The following FHIT variants were observed in gnomAD, a reference collection of about 807,000 sequenced individuals.
The protein encoded by FHIT is bis(5'-adenosyl)-triphosphatase.
In FHIT, 19 loss-of-function variants were observed where a neutral mutation model predicts 17.9. The ratio of observed to expected loss-of-function variants is 1.06; its 90% CI spans 0.74 to 1.56. FHIT has a LOEUF of 1.56. Among genes scored for constraint, FHIT ranks in the 40% most tolerant of loss-of-function variants. The pLI is 0.00. For missense variants in FHIT, 248 were observed against 189.2 expected (o/e 1.31, Z -1.82); for synonymous variants, 81 against 69.7 (o/e 1.16, Z -0.81).
intron 2 of FHIT, among the ~76,000 whole-genome samples, chr3:61,127,260 T>A (rs2036634573): frequency 6.6e-6 from 1 of 152,136 alleles, no homozygotes; most frequent in Non-Finnish European, 1.5e-5. Flanking sequence ...GTGGAGGTGA[T>A]GAGGCATGGT....
chr3:61,055,001 G>A (rs989563824), intron 2 of FHIT, among the ~76,000 whole-genome samples: 1 of 152,170 alleles, frequency 6.6e-6, no homozygotes, highest in Non-Finnish European at 1.5e-5. Context: ...AACCTTCCCT[G>A]CTTTGGAACA....
At chr3:60,049,910 A>C (rs74500541) in intron 5 of FHIT, among the ~76,000 whole-genome samples, 9,024 of 152,176 alleles carry the variant, frequency 0.059, 279 homozygotes, top group South Asian at 0.091. Flanking sequence ...ACCATATCAA[A>C]CAACCCTCCA....
At chr3:60,394,184 A>C (rs574526046) in intron 5 of FHIT, among the ~76,000 whole-genome samples, 1 of 152,108 alleles carries the variant, frequency 6.6e-6, no homozygotes, top group Non-Finnish European at 1.5e-5. Flanking sequence ...ATAGCAGGTG[A>C]AAAACTTCAG....
intron 5 of FHIT, among the ~76,000 whole-genome samples, chr3:60,196,423 G>A (rs1225677761): frequency 6.6e-6 from 1 of 152,022 alleles, no homozygotes; most frequent in African/African-American, 2.4e-5. Flanking sequence ...TGACTCGCTT[G>A]CCTCCCTCTT....
Position 60,148,959 on chromosome 3 carries a change from A to G in FHIT, c.104-134807T>C, listed in dbSNP as rs999032419. The stretch of plus-strand genomic sequence containing the variant: ...ATTAGCTGCTGCTCTTTGACCTTGA[A>G]CAGTAATCCTTTGAGCATGCCTCCT... On this transcript the variant is annotated intron_variant, in intron 5 of 9. Transcript: ENST00000492590. Among the ~76,000 whole-genome samples the G allele has an allele frequency of 3.9e-5, 6 of 152,294 alleles. No individual in the cohort carries two copies. The South Asian group carries it at 1.0e-3, about 26-fold the overall frequency.
chr3:59,817,353 T>C (rs1217864600), intron 8 of FHIT, among the ~76,000 whole-genome samples: 1 of 152,032 alleles, frequency 6.6e-6, no homozygotes, highest in East Asian at 1.9e-4. Flanking sequence ...AAGAGCCATC[T>C]GGGATGTAAG....
intron 5 of FHIT, among the ~76,000 whole-genome samples, chr3:60,097,993 G>T (rs376396089): frequency 6.6e-6 from 1 of 151,178 alleles, no homozygotes; most frequent in African/African-American, 2.4e-5. Context: ...GCCATAGTTT[G>T]CTGAGAATGA....
chr3:60,280,124 T>C (rs183454620), intron 5 of FHIT, among the ~76,000 whole-genome samples: 3 of 142,044 alleles, frequency 2.1e-5, no homozygotes, highest in African/African-American at 7.9e-5. Flanking sequence ...AGAAGAAAAA[T>C]CATATAATAG....
At chr3:60,877,250 T>A (rs1704708576) in intron 3 of FHIT, among the ~76,000 whole-genome samples, 1 of 152,168 alleles carries the variant, frequency 6.6e-6, no homozygotes, top group Admixed American at 6.5e-5. Context: ...CACCCCTGCC[T>A]CCATAAGGCT....
intron 4 of FHIT, among the ~76,000 whole-genome samples, chr3:60,613,508 G>A (rs1443833078): frequency 4.6e-5 from 7 of 152,116 alleles, no homozygotes; most frequent in Admixed American, 3.3e-4. Context: ...CCTGAATGAA[G>A]AGTACCTTTT....
rs376164065 is a variant in FHIT at position 60,587,128 on chromosome 3, TAAAGAA to T, written c.-17-50155_-17-50150del. The stretch of plus-strand genomic sequence containing the variant: ...AAATGCCCATCAATAACAGACTAGA[TAAAGAA>T]AAAGTAGTATATATACACCACGGAA... On this transcript the variant is annotated intron_variant, in intron 4 of 9. Transcript: ENST00000492590. Among the ~76,000 whole-genome samples the T allele has an allele frequency of 4.6e-5, 7 of 151,838 alleles. No homozygotes were observed. The South Asian group carries it at 1.0e-3, about 23-fold the overall frequency.
At chr3:60,387,926 C>T (rs1204467251) in intron 5 of FHIT, among the ~76,000 whole-genome samples, 3 of 152,190 alleles carry the variant, frequency 2.0e-5, no homozygotes, top group African/African-American at 7.2e-5. Context: ...AGTGAGCCCT[C>T]CCTCTTAGTT....
rs1486403526 is a variant in FHIT, at chr3:60,529,231, T to C, written c.103+7629A>G. On this transcript the variant is annotated intron_variant, in intron 5 of 9. Coordinates refer to ENST00000492590, the MANE Select transcript of FHIT (RefSeq NM_002012.4). Reference sequence around the variant, plus strand: ...AAGTAAATAAATTAGATCATTAATTTGCAATAAATATAAATTAATTATGCT... The same window carrying C: ...AAGTAAATAAATTAGATCATTAATTCGCAATAAATATAAATTAATTATGCT... Among the ~76,000 whole-genome samples, 4 of 152,316 alleles carry C rather than the reference T, an allele frequency of 2.6e-5. No individual in the cohort carries two copies. In the East Asian group the frequency reaches 7.7e-4, roughly 29 times the overall value.
chr3:60,690,249 A>C, intron 4 of FHIT: 1 of 539,236 alleles, frequency 1.9e-6, no homozygotes, highest in South Asian at 1.4e-5. Flanking sequence ...AGTCAGCAAT[A>C]GTGACCTTCT....
intron 4 of FHIT, among the ~76,000 whole-genome samples, chr3:60,709,623 T>C (rs2041465659): frequency 6.6e-6 from 1 of 152,198 alleles, no homozygotes; most frequent in Non-Finnish European, 1.5e-5. Flanking sequence ...GTTCATTGGA[T>C]TATGCAGATC....
chr3:60,875,418 TC>T (rs1704602154), intron 3 of FHIT, among the ~76,000 whole-genome samples: 1 of 152,182 alleles, frequency 6.6e-6, no homozygotes, highest in East Asian at 1.9e-4. Flanking sequence ...CCAAGTTAGT[TC>T]TGTCAAACCC....
At chr3:60,277,543 C>G (rs1707212678) in intron 5 of FHIT, among the ~76,000 whole-genome samples, 2 of 152,168 alleles carry the variant, frequency 1.3e-5, no homozygotes, top group Admixed American at 1.3e-4. Flanking sequence ...ATGGCGCCAG[C>G]TGGGAGAAGT....
At chr3:60,399,166 T>C (rs1701568558) in intron 5 of FHIT, among the ~76,000 whole-genome samples, 2 of 152,206 alleles carry the variant, frequency 1.3e-5, no homozygotes. Flanking sequence ...AAGGTATTTA[T>C]AACCTATAAA....
intron 3 of FHIT, among the ~76,000 whole-genome samples, chr3:60,867,765 T>C (rs1162194275): frequency 6.6e-6 from 1 of 152,186 alleles, no homozygotes; most frequent in African/African-American, 2.4e-5. Context: ...TAGAGGATGT[T>C]AGTGGCTCCC....
Sources: allele counts gnomAD v4.1 joint callset (sites outside exome capture counted in the v4.1 genomes callset), GRCh38; gene constraint gnomAD v4.1.1; transcripts MANE v1.5; gene names NCBI Gene and HGNC (gene_info 2026-07-23, HGNC 2026-07-21).